The following ELK4 variants were observed in gnomAD, a reference collection of about 807,000 sequenced individuals.
The protein encoded by ELK4 is ETS transcription factor ELK4, also known as ETS domain-containing protein Elk-4.
In ELK4, 16 loss-of-function variants were observed where a neutral mutation model predicts 29.6. That is an observed-to-expected ratio of 0.54 (90% confidence interval 0.37 to 0.82). The LOEUF is 0.82. ELK4 is among the 40% of genes least tolerant of loss of function. The probability of loss-of-function intolerance (pLI) is 0.00; values close to 1 mark genes in which losing one functional copy is unlikely to be tolerated. For missense variants in ELK4, 465 were observed against 507.1 expected, an observed-to-expected ratio of 0.92 and a Z score of 0.80; for synonymous variants, 213 against 191.1, an observed-to-expected ratio of 1.11 and a Z score of -0.95.
chr1:205,618,446 A>C (rs1670272838), intron 4 of ELK4, among the ~76,000 whole-genome samples: 1 of 151,796 alleles, frequency 6.6e-6, no homozygotes, highest in African/African-American at 2.4e-5. Flanking sequence ...AATAGTAAAT[A>C]ATGAAAATGA....
intron 1 of ELK4, chr1:205,625,863 G>C (rs1286183334): frequency 1.6e-6 from 1 of 632,730 alleles, no homozygotes; most frequent in Non-Finnish European, 2.9e-6. Flanking sequence ...ATTTTTAGTA[G>C]AGGTGGGGTT....
In ELK4 at chr1:205,608,690, G is replaced by C. The variant is rs918642076; in HGVS notation, c.*7856C>G. The C allele has an allele frequency of 5.2e-6, 1 of 193,442 alleles. No homozygotes were observed. Among genetic ancestry groups the C allele is most frequent in the Admixed American group, 6.1e-5 (1 of 16,382 alleles). The allele number at this position is 193,442 out of a possible 1,614,324, so 12.0% of individuals were successfully genotyped here. ...CTTTAACAGTTATCCATTCCTCTGG[G>C]TAGGTGTGCACTTACATTATATGTA... is the stretch of plus-strand genomic sequence containing the variant. On this transcript the variant is annotated 3_prime_UTR_variant, in exon 5 of 5. Transcript: ENST00000357992.
intron 4 of ELK4, among the ~76,000 whole-genome samples, chr1:205,617,336 C>T (rs983032431): frequency 6.6e-6 from 1 of 151,834 alleles, no homozygotes; most frequent in Admixed American, 6.6e-5. Flanking sequence ...AGTTAAATTA[C>T]AAAATATAAG....
At chr1:205,622,835 T>C (rs1670375895) in intron 2 of ELK4, among the ~76,000 whole-genome samples, 1 of 152,118 alleles carries the variant, frequency 6.6e-6, no homozygotes, top group Non-Finnish European at 1.5e-5. Flanking sequence ...TGGGAGTAAG[T>C]TAATAAATAA....
In ELK4 at chr1:205,615,538, G is replaced by C. The variant is rs1220700977; in HGVS notation, c.*1008C>G. 1 of 187,204 alleles carries C rather than the reference G, an allele frequency of 5.3e-6. No individual in the cohort carries two copies. The allele number at this position is 187,204 out of a possible 1,614,324, so 11.6% of individuals were successfully genotyped here. On this transcript the variant is annotated 3_prime_UTR_variant, in exon 5 of 5. Coordinates refer to ENST00000357992, the MANE Select transcript of ELK4 (RefSeq NM_001973.4). ...TAAACATAAAGGAAAGGTGATAAAT[G>C]TATAGTAGAAAATGAGGTAAAATGA...
At position 205,620,119 on chromosome 1, in the gene ELK4, T is replaced by C. The variant is rs1434546715; in HGVS notation, c.927A>G (p.Glu309=). Residue 309 remains glutamate (E), a synonymous_variant, in exon 3 of 5, where the codon GAA becomes GAG. Coordinates refer to ENST00000357992, the MANE Select transcript of ELK4 (RefSeq NM_001973.4). ...EPKDQDSVLL[E]KDKVNNSSRS... ...TTGATGAATTATTTACTTTGTCCTTTTCTAGCAAGACTGAATCCTGGTCTT... is the reference window on the plus strand; with the variant it reads ...TTGATGAATTATTTACTTTGTCCTTCTCTAGCAAGACTGAATCCTGGTCTT... 6.2e-7 allele frequency: 1 copy of C among 1,614,230 alleles called. No individual in the cohort carries two copies. Among genetic ancestry groups the C allele is most frequent in the East Asian group, 2.2e-5 (1 of 44,888 alleles).
At chr1:205,619,612 C>G in intron 3 of ELK4, 2 of 1,291,072 alleles carry the variant, frequency 1.5e-6, no homozygotes. Flanking sequence ...TTCTCAGGAC[C>G]TACTGTTTTC....
chr1:205,619,474 G>GTT, intron 3 of ELK4: 1 of 1,053,932 alleles, frequency 9.5e-7, no homozygotes, highest in Non-Finnish European at 1.1e-6. Context: ...CAGCATGTTT[G>GTT]TTTTTTTTTA....
intron 4 of ELK4, 134 bp from the exon 5 acceptor site, chr1:205,616,778 A>C (rs967576351): frequency 3.2e-6 from 2 of 632,640 alleles, no homozygotes; most frequent in African/African-American, 3.6e-5. Flanking sequence ...GTGGCTGTTT[A>C]TCATGAAAGA....
chr1:205,621,450 T>C (rs1417828910), intron 2 of ELK4, among the ~76,000 whole-genome samples: 2 of 152,160 alleles, frequency 1.3e-5, no homozygotes, highest in African/African-American at 4.8e-5. Context: ...AGATTAGAAC[T>C]CCCTGAACTG....
rs368269938 is a variant in ELK4, at chr1:205,620,406, T to C, written c.640A>G (p.Ile214Val). 26 of 1,614,034 alleles carry C rather than the reference T, an allele frequency of 1.6e-5. No individual in the cohort carries two copies. In the African/African-American group the frequency reaches 3.1e-4, roughly 19 times the overall value. ...VAATISIGPS[I>V]SPSSEETIQA... ...ATAGTTTCTTCTGAAGATGGAGAAA[T>C]ACTTGGGCCAATTGAAATGGTGGCA... The change falls in exon 3 of 5, where the codon ATT becomes GTT. Residue 214 changes from isoleucine to valine, a missense_variant. Coordinates refer to ENST00000357992, the MANE Select transcript of ELK4 (RefSeq NM_001973.4).
In ELK4 at chr1:205,623,635, TGGAGGTTCTCTGTATAGTATAA is replaced by T. The variant is rs779422576; in HGVS notation, c.207+19_207+40del. 1.2e-6 allele frequency: 2 copies of T among 1,604,936 alleles called. No homozygotes were observed. Among genetic ancestry groups the T allele is most frequent in the East Asian group, 4.5e-5 (2 of 44,778 alleles). ...CAGCCAAGAAGGAATCGTTCTTGTC[TGGAGGTTCTCTGTATAGTATAA>T]GATCAGGATGTGTACTACCTTTACA... On this transcript the variant is annotated intron_variant, in intron 2 of 4. Coordinates refer to ENST00000357992, the MANE Select transcript of ELK4 (RefSeq NM_001973.4).
In ELK4 at chr1:205,626,016, G is replaced by A. The variant is rs1283008185; in HGVS notation, c.-9-2125C>T. 1.0e-5 allele frequency: 15 copies of A among 1,444,454 alleles called. No homozygotes were observed. In the East Asian group the frequency reaches 3.2e-4, roughly 31 times the overall value. 89.5% of individuals were successfully genotyped at this position (1,444,454 alleles called of 1,614,324 possible). A position where few individuals can be genotyped will look rare whatever the true frequency, so the allele number is the denominator to read the frequency against. On this transcript the variant is annotated intron_variant, in intron 1 of 4. Transcript: ENST00000357992. Reference sequence around the variant, plus strand: ...GATCCAGAAGCGAATTCATCTCCGAGCTGAGGATGCCTTGTTTTTCTTTGT... The same window carrying A: ...GATCCAGAAGCGAATTCATCTCCGAACTGAGGATGCCTTGTTTTTCTTTGT...
At chr1:205,619,800 C>T in intron 3 of ELK4, 166 bp downstream of exon 3, 1 of 1,528,632 alleles carries the variant, frequency 6.5e-7, no homozygotes, top group Non-Finnish European at 8.8e-7. Flanking sequence ...TTTAGCAATC[C>T]TAATTAAGAT....
At position 205,631,722 on chromosome 1, in the gene ELK4, G is replaced by A; in HGVS notation, c.-100C>T. On this transcript the variant is annotated 5_prime_UTR_variant, in exon 1 of 5. Transcript: ENST00000357992. Reference sequence around the variant, plus strand: ...CCTCCTCCTCACGCTGGAAACTCGAGGACGGCGCGGCAGCCGCTGCGACCC... The same window carrying A: ...CCTCCTCCTCACGCTGGAAACTCGAAGACGGCGCGGCAGCCGCTGCGACCC... 3.1e-6 allele frequency: 1 copy of A among 325,066 alleles called. No homozygotes were observed. The highest frequency in any genetic ancestry group is 6.4e-6 in the Non-Finnish European group (1 of 155,870). 20.1% of individuals were successfully genotyped at this position (325,066 alleles called of 1,614,324 possible).
intron 1 of ELK4, among the ~76,000 whole-genome samples, chr1:205,627,664 AAGTT>A (rs770532442): frequency 1.4e-4 from 21 of 152,242 alleles, no homozygotes; most frequent in Admixed American, 3.3e-4. Flanking sequence ...AACACTATAA[AAGTT>A]AGGTCTGGGA....
In ELK4 at chr1:205,609,783, C is replaced by T. The variant is rs1040500623; in HGVS notation, c.*6763G>A. On this transcript the variant is annotated 3_prime_UTR_variant, in exon 5 of 5. Transcript: ENST00000357992. Reference sequence around the variant, plus strand: ...TCAATTGCAAATTATTTTTAAAAATCGTAAATTTCTACAAAGCACAATATT... The same window carrying T: ...TCAATTGCAAATTATTTTTAAAAATTGTAAATTTCTACAAAGCACAATATT... The T allele has an allele frequency of 9.5e-6, 2 of 210,866 alleles. No homozygotes were observed. The highest frequency in any genetic ancestry group is 7.2e-5 in the East Asian group (1 of 13,956). 13.1% of individuals were successfully genotyped at this position (210,866 alleles called of 1,614,324 possible). A position where few individuals can be genotyped will look rare whatever the true frequency, so the allele number is the denominator to read the frequency against.
At position 205,613,569 on chromosome 1, in the gene ELK4, C is replaced by A. The variant is rs992285904; in HGVS notation, c.*2977G>T. The A allele has an allele frequency of 4.4e-5, 8 of 180,538 alleles. No individual in the cohort carries two copies. The highest frequency in any genetic ancestry group is 7.1e-5 in the Non-Finnish European group (6 of 84,690). 11.2% of individuals were successfully genotyped at this position (180,538 alleles called of 1,614,324 possible). ...TTGAAATCAGCCACAGGAGGAGTAACTAATTTATATCAAAGAATTTGATAT... is the reference window on the plus strand; with the variant it reads ...TTGAAATCAGCCACAGGAGGAGTAAATAATTTATATCAAAGAATTTGATAT... On this transcript the variant is annotated 3_prime_UTR_variant, in exon 5 of 5. Coordinates refer to ENST00000357992, the MANE Select transcript of ELK4 (RefSeq NM_001973.4).
rs1670170932 is a variant in ELK4, at chr1:205,612,716, C to T, written c.*3830G>A. 1 of 210,320 alleles carries T rather than the reference C, an allele frequency of 4.8e-6. No individual in the cohort carries two copies. The highest frequency in any genetic ancestry group is 5.9e-5 in the Admixed American group (1 of 16,974). The allele number at this position is 210,320 out of a possible 1,614,324, so 13.0% of individuals were successfully genotyped here. ...TCAGATCAGGATGAAACAATGTTGT[C>T]AGACTGGACGTCACACAATGCAGGG... is the stretch of plus-strand genomic sequence containing the variant. On this transcript the variant is annotated 3_prime_UTR_variant, in exon 5 of 5. Transcript: ENST00000357992.
Sources: gnomAD v4.1 joint callset for allele counts (sites outside exome capture counted in the v4.1 genomes callset) on GRCh38, gnomAD v4.1.1 for gene constraint, MANE v1.5 for transcripts, NCBI Gene and HGNC (gene_info 2026-07-23, HGNC 2026-07-21) for gene names.